Variants in TOR1B observed in about 807,000 individuals in gnomAD.
The protein encoded by TOR1B is torsin family 1 member B.
In TOR1B, 14 loss-of-function variants were observed where a neutral mutation model predicts 29.2. The ratio of observed to expected loss-of-function variants is 0.48; its 90% CI spans 0.32 to 0.75. The LOEUF is 0.75. Among genes scored for constraint, TOR1B ranks in the 30% least tolerant of loss-of-function variants. The pLI is 0.04. For missense variants in TOR1B, 400 were observed against 433.9 expected (o/e 0.92, Z 0.69); for synonymous variants, 166 against 179.8 (o/e 0.92, Z 0.62).
intron 2 of TOR1B, 80 bp downstream of exon 2, chr9:129,804,418 T>G: frequency 1.3e-6 from 2 of 1,546,200 alleles, no homozygotes; most frequent in South Asian, 1.2e-5. Flanking sequence ...TGGCCTCTGC[T>G]TCTCTTTCCT....
In TOR1B at chr9:129,810,576, T is replaced by C; in HGVS notation, c.*993T>C. 2.4e-6 allele frequency: 1 copy of C among 421,562 alleles called. No individual in the cohort carries two copies. Among genetic ancestry groups the C allele is most frequent in the Non-Finnish European group, 3.4e-6 (1 of 295,458 alleles). The allele number at this position is 421,562 out of a possible 1,614,324, so 26.1% of individuals were successfully genotyped here. On this transcript the variant is annotated 3_prime_UTR_variant, in exon 5 of 5. Transcript: ENST00000259339. ...TTGAATCACAATGAGACCGTTGGCTTTGAATTTGAGTCGTTGGTTCCCATG... is the reference window on the plus strand; with the variant it reads ...TTGAATCACAATGAGACCGTTGGCTCTGAATTTGAGTCGTTGGTTCCCATG...
At chr9:129,803,838 G>C (rs1377162737) in intron 1 of TOR1B, among the ~76,000 whole-genome samples, 2 of 152,194 alleles carry the variant, frequency 1.3e-5, no homozygotes, top group Non-Finnish European at 2.9e-5. Flanking sequence ...TCAAGCGATG[G>C]TTCATCTCTG....
chr9:129,804,858 G>T (rs887982287), intron 2 of TOR1B, among the ~76,000 whole-genome samples: 2 of 138,690 alleles, frequency 1.4e-5, no homozygotes, highest in African/African-American at 2.9e-5. Context: ...AAAAAAAAAG[G>T]CCTGGCACAG....
At chr9:129,808,543 CTTTTTTTTTT>C in intron 3 of TOR1B, among the ~76,000 whole-genome samples, 1 of 77,810 alleles carries the variant, frequency 1.3e-5, no homozygotes, top group African/African-American at 4.8e-5. Flanking sequence ...ACACAGAAGT[CTTTTTTTTTT>C]TTTTTTTTTT....
In TOR1B at chr9:129,810,355, G is replaced by A. The variant is rs1015515190; in HGVS notation, c.*772G>A. 4.7e-6 allele frequency: 5 copies of A among 1,058,072 alleles called. No individual in the cohort carries two copies. Among genetic ancestry groups the A allele is most frequent in the East Asian group, 6.5e-5 (1 of 15,398 alleles). The allele number at this position is 1,058,072 out of a possible 1,614,324, so 65.5% of individuals were successfully genotyped here. ...CTGACCTGTGTGTGTGTGTGTGGGG[G>A]GGTGGGGCCTTCACCTAAGACCTCT... is the stretch of plus-strand genomic sequence containing the variant. On this transcript the variant is annotated 3_prime_UTR_variant, in exon 5 of 5. Transcript: ENST00000259339.
intron 4 of TOR1B, 148 bp from the exon 5 acceptor site, chr9:129,809,194 T>C: frequency 6.6e-7 from 1 of 1,513,680 alleles, no homozygotes; most frequent in East Asian, 2.3e-5. Context: ...AGTGAGTGAG[T>C]GTCCAGCTGA....
Position 129,810,047 on chromosome 9 carries a change from G to A in TOR1B, c.*464G>A, listed in dbSNP as rs2030754732. On this transcript the variant is annotated 3_prime_UTR_variant, in exon 5 of 5. Transcript: ENST00000259339. ...TACCTGAAAACAGCTGTGCATGGCA[G>A]GCCCGGCAATAGCTTCTGACCCACA... 2 of 1,228,206 alleles carry A rather than the reference G, an allele frequency of 1.6e-6. No homozygotes were observed. Among genetic ancestry groups the A allele is most frequent in the African/African-American group, 3.1e-5 (2 of 64,114 alleles). The allele number at this position is 1,228,206 out of a possible 1,614,324, so 76.1% of individuals were successfully genotyped here.
At position 129,810,226 on chromosome 9, in the gene TOR1B, G is replaced by T. The variant is rs1354781129; in HGVS notation, c.*643G>T. The T allele has an allele frequency of 3.1e-6, 4 of 1,304,100 alleles. No individual in the cohort carries two copies. The highest frequency in any genetic ancestry group is 4.0e-6 in the Non-Finnish European group (4 of 988,954). The allele number at this position is 1,304,100 out of a possible 1,614,324, so 80.8% of individuals were successfully genotyped here. The stretch of plus-strand genomic sequence containing the variant: ...TTTGCTCTGTCTCGTTCTTTACACA[G>T]AGTTCACTGACTTGAAGTATACTCA... On this transcript the variant is annotated 3_prime_UTR_variant, in exon 5 of 5. Transcript: ENST00000259339.
chr9:129,804,250 T>G lies in TOR1B; in HGVS notation c.377T>G (p.Leu126Arg). 6.2e-7 allele frequency: 1 copy of G among 1,614,234 alleles called. No homozygotes were observed. Among genetic ancestry groups the G allele is most frequent in the Non-Finnish European group, 8.5e-7 (1 of 1,180,030 alleles). Residue 126 changes from leucine to arginine, a missense_variant, in exon 2 of 5, where the codon CTT (leucine) becomes CGT (arginine). By Grantham distance (102) the Leu-to-Arg change is moderately radical. Coordinates refer to ENST00000259339, the MANE Select transcript of TOR1B (RefSeq NM_014506.3). ...GTCAGTCAAATTGTGGCTGAAAATC[T>G]TCACCCAAAAGGTCTGAAGAGTAAC... ...NFVSQIVAENLHPKGLKSNFV... is the reference protein window; with the variant it reads ...NFVSQIVAENRHPKGLKSNFV...
At chr9:129,804,512 T>C (rs2030360094) in intron 2 of TOR1B, 174 bp downstream of exon 2, 2 of 814,030 alleles carry the variant, frequency 2.5e-6, no homozygotes, top group African/African-American at 1.7e-5. Context: ...ACATTTCTCT[T>C]ACTTGGTTCC....
chr9:129,803,883 G>A (rs2030311636), intron 1 of TOR1B, among the ~76,000 whole-genome samples, 190 bp from the exon 2 acceptor site: 1 of 152,164 alleles, frequency 6.6e-6, no homozygotes, highest in South Asian at 2.1e-4. Context: ...ATCAGACCCC[G>A]AAGCGTTAAG....
At position 129,807,364 on chromosome 9, in the gene TOR1B, G is replaced by T; in HGVS notation, c.641+1G>T. ...GCAAAGCCATCTTCATCTTTCTCAG[G>T]TCAGCGGGAGGCGGTTTTTTGGGGC... On this transcript the variant is annotated splice_donor_variant, in intron 3 of 4. Coordinates refer to ENST00000259339, the MANE Select transcript of TOR1B (RefSeq NM_014506.3). LOFTEE classifies it high-confidence loss of function. 2.5e-6 allele frequency: 4 copies of T among 1,613,394 alleles called. No homozygotes were observed. Among genetic ancestry groups the T allele is most frequent in the Non-Finnish European group, 3.4e-6 (4 of 1,179,454 alleles).
intron 3 of TOR1B, among the ~76,000 whole-genome samples, chr9:129,808,331 C>T (rs1012190907): frequency 2.0e-5 from 3 of 151,878 alleles, no homozygotes; most frequent in African/African-American, 7.3e-5. Context: ...AACCCCGTGT[C>T]TACTAAAAAT....
chr9:129,805,139 GAAAA>G (rs34869382), intron 2 of TOR1B, among the ~76,000 whole-genome samples: 84 of 105,486 alleles, frequency 8.0e-4, no homozygotes, highest in African/African-American at 3.0e-3. Context: ...CTCTGTCTCA[GAAAA>G]AAAAAAAAAA....
chr9:129,804,994 C>G (rs940899917), intron 2 of TOR1B, among the ~76,000 whole-genome samples: 2 of 148,982 alleles, frequency 1.3e-5, no homozygotes, highest in African/African-American at 2.5e-5. Context: ...AAAAATTAGC[C>G]GGGGATGGTG....
At chr9:129,807,098 T>C in intron 2 of TOR1B, 90 bp from the exon 3 acceptor site, 1 of 1,323,704 alleles carries the variant, frequency 7.6e-7, no homozygotes, top group Non-Finnish European at 1.1e-6. Flanking sequence ...GACCTCGTCC[T>C]TCAGTGCATG....
chr9:129,810,063 C>T lies in TOR1B; in HGVS notation c.*480C>T. 1 of 1,244,366 alleles carries T rather than the reference C, an allele frequency of 8.0e-7. No individual in the cohort carries two copies. Among genetic ancestry groups the T allele is most frequent in the African/African-American group, 1.5e-5 (1 of 64,938 alleles). The allele number at this position is 1,244,366 out of a possible 1,614,324, so 77.1% of individuals were successfully genotyped here. ...TGCATGGCAGGCCCGGCAATAGCTT[C>T]TGACCCACAGCACCCGCGCCTCAGA... On this transcript the variant is annotated 3_prime_UTR_variant, in exon 5 of 5. Transcript: ENST00000259339.
chr9:129,810,072 A>G lies in TOR1B; in HGVS notation c.*489A>G. The G allele has an allele frequency of 1.6e-6, 2 of 1,249,708 alleles. No individual in the cohort carries two copies. Among genetic ancestry groups the G allele is most frequent in the Non-Finnish European group, 2.1e-6 (2 of 956,434 alleles). The allele number at this position is 1,249,708 out of a possible 1,614,324, so 77.4% of individuals were successfully genotyped here. On this transcript the variant is annotated 3_prime_UTR_variant, in exon 5 of 5. Transcript: ENST00000259339. ...GGCCCGGCAATAGCTTCTGACCCAC[A>G]GCACCCGCGCCTCAGAAGCTACGGT...
rs572177680 is a variant in TOR1B, at chr9:129,805,439, A to T, written c.465+1101A>T. Reference sequence around the variant, plus strand: ...TCTGTCTCAAAAAAAAAGAAAAAAAAAAAAGATGGAGCCTGGAGCCCAGAG... The same window carrying T: ...TCTGTCTCAAAAAAAAAGAAAAAAATAAAAGATGGAGCCTGGAGCCCAGAG... On this transcript the variant is annotated intron_variant, in intron 2 of 4. Coordinates refer to ENST00000259339, the MANE Select transcript of TOR1B (RefSeq NM_014506.3). Among the ~76,000 whole-genome samples the T allele has an allele frequency of 2.6e-5, 4 of 152,324 alleles. No homozygotes were observed. In the South Asian group the frequency reaches 8.3e-4, roughly 32 times the overall value.
Sources: allele counts gnomAD v4.1 joint callset (sites outside exome capture counted in the v4.1 genomes callset), GRCh38; gene constraint gnomAD v4.1.1; transcripts MANE v1.5; gene names NCBI Gene and HGNC (gene_info 2026-07-23, HGNC 2026-07-21).